The following STRN variants were observed in gnomAD, a reference collection of about 807,000 sequenced individuals.
The protein encoded by STRN is striatin.
In STRN, 53 loss-of-function variants were observed where a neutral mutation model predicts 96.3. That is an observed-to-expected ratio of 0.55 (90% confidence interval 0.44 to 0.69). The LOEUF is 0.69. Among genes scored for constraint, STRN ranks in the 30% least tolerant of loss-of-function variants. STRN has a pLI of 0.00. For synonymous variants in STRN, 428 were observed against 355.9 expected (o/e 1.20, Z -2.28); for missense variants, 987 against 963.9 (o/e 1.02, Z -0.32).
chr2:36,928,562 G>C lies in STRN; in HGVS notation c.235-3354C>G, dbSNP rs1050921868. 5.3e-5 allele frequency among the ~76,000 whole-genome samples: 8 copies of C among 151,536 alleles called. No homozygotes were observed. The East Asian group carries it at 5.8e-4, about 11-fold the overall frequency. On this transcript the variant is annotated intron_variant, in intron 1 of 17. Transcript: ENST00000263918. ...AGCTACTTGGAAGACTGAGACAGAA[G>C]AATCACTCAAACCCAGGAGGCGGAG...
intron 9 of STRN, among the ~76,000 whole-genome samples, chr2:36,880,425 G>A (rs891238743): frequency 3.3e-5 from 5 of 152,130 alleles, no homozygotes; most frequent in African/African-American, 1.2e-4. Context: ...AGGCAACAGA[G>A]CAAGACCATG....
chr2:36,912,408 C>T (rs1333860918), intron 3 of STRN, among the ~76,000 whole-genome samples: 2 of 152,164 alleles, frequency 1.3e-5, no homozygotes, highest in Non-Finnish European at 2.9e-5. Flanking sequence ...CTCAGTGTCC[C>T]ATGTGTCACA....
At chr2:36,924,814 T>A (rs1225256579) in intron 2 of STRN, among the ~76,000 whole-genome samples, 2 of 152,194 alleles carry the variant, frequency 1.3e-5, no homozygotes, top group African/African-American at 4.8e-5. Context: ...CCCAGCACTT[T>A]AGGAGGCCGA....
Position 36,883,912 on chromosome 2 carries a change from A to T in STRN, c.1186+20T>A. On this transcript the variant is annotated intron_variant, in intron 9 of 17. Transcript: ENST00000263918. The stretch of plus-strand genomic sequence containing the variant: ...TACATCCAAGTGCATTTTGTGCTCC[A>T]GAGTATCTTAAATACTTACCTTCAT... The T allele has an allele frequency of 7.5e-7, 1 of 1,330,390 alleles. No individual in the cohort carries two copies. The highest frequency in any genetic ancestry group is 2.8e-5 in the East Asian group (1 of 36,086). 82.4% of individuals were successfully genotyped at this position (1,330,390 alleles called of 1,614,324 possible). A position where few individuals can be genotyped will look rare whatever the true frequency, so the allele number is the denominator to read the frequency against.
rs774040335 is a variant in STRN at position 36,855,398 on chromosome 2, T to C, written c.1838-46A>G. 3.7e-6 allele frequency: 6 copies of C among 1,600,754 alleles called. No individual in the cohort carries two copies. The South Asian group carries it at 4.5e-5, about 12-fold the overall frequency. ...ATAGAATGGCAATTAAACCATCTAC[T>C]TGACAATCTGCTTAAAATAGAGCAA... On this transcript the variant is annotated intron_variant, in intron 14 of 17. Transcript: ENST00000263918.
In STRN at chr2:36,867,797, A is replaced by G. The variant is rs1193909950; in HGVS notation, c.1547+17T>C. 1 of 1,510,950 alleles carries G rather than the reference A, an allele frequency of 6.6e-7. No homozygotes were observed. Among genetic ancestry groups the G allele is most frequent in the Non-Finnish European group, 8.9e-7 (1 of 1,119,858 alleles). The allele number at this position is 1,510,950 out of a possible 1,614,324, so 93.6% of individuals were successfully genotyped here. On this transcript the variant is annotated intron_variant, in intron 12 of 17. Coordinates refer to ENST00000263918, the MANE Select transcript of STRN (RefSeq NM_003162.4). The stretch of plus-strand genomic sequence containing the variant: ...ACAGAGATATCGGTTTAAAATAAAG[A>G]AAAAACATATACTTACTTATGGGCT...
intron 15 of STRN, 81 bp from the exon 16 acceptor site, chr2:36,851,188 G>C: frequency 7.6e-7 from 1 of 1,310,466 alleles, no homozygotes; most frequent in African/African-American, 1.5e-5. Context: ...ATCTATCTAA[G>C]AGACTGAAAA....
chr2:36,880,501 C>G (rs1669041856), intron 9 of STRN, among the ~76,000 whole-genome samples: 1 of 152,088 alleles, frequency 6.6e-6, no homozygotes, highest in Middle Eastern at 3.2e-3. Flanking sequence ...TCTTAAAATC[C>G]TCATCAGAAC....
intron 2 of STRN, among the ~76,000 whole-genome samples, chr2:36,924,355 CAAAA>C (rs143310395): frequency 9.7e-6 from 1 of 103,322 alleles, no homozygotes; most frequent in East Asian, 2.6e-4. Flanking sequence ...GACTCCGTTT[CAAAA>C]AAAAAAAAAA....
At chr2:36,929,159 T>C (rs894784266) in intron 1 of STRN, among the ~76,000 whole-genome samples, 5 of 151,994 alleles carry the variant, frequency 3.3e-5, no homozygotes, top group African/African-American at 1.2e-4. Flanking sequence ...TCCTAACCAT[T>C]ATAAACAAAA....
At chr2:36,868,953 T>C (rs1439842792) in intron 11 of STRN, among the ~76,000 whole-genome samples, 1 of 152,036 alleles carries the variant, frequency 6.6e-6, no homozygotes, top group East Asian at 1.9e-4. Context: ...AGATTTAGCT[T>C]TGTGACTTTT....
intron 12 of STRN, among the ~76,000 whole-genome samples, chr2:36,865,933 G>GT (rs1330980465): frequency 1.3e-5 from 2 of 152,068 alleles, no homozygotes; most frequent in East Asian, 1.9e-4. Context: ...AGAGATTCTG[G>GT]TATGTTGTAG....
intron 1 of STRN, among the ~76,000 whole-genome samples, chr2:36,939,482 A>AG (rs1358117482): frequency 6.6e-6 from 1 of 152,194 alleles, no homozygotes; most frequent in African/African-American, 2.4e-5. Flanking sequence ...AACATGAGGT[A>AG]GGAATCAAAA....
chr2:36,851,485 A>G (rs1668222286), intron 15 of STRN, among the ~76,000 whole-genome samples: 1 of 140,922 alleles, frequency 7.1e-6, no homozygotes, highest in Non-Finnish European at 1.6e-5. Context: ...TCCATTTCAA[A>G]AAAAGAAAAG....
At chr2:36,930,995 T>C (rs928890034) in intron 1 of STRN, among the ~76,000 whole-genome samples, 1 of 151,478 alleles carries the variant, frequency 6.6e-6, no homozygotes, top group African/African-American at 2.4e-5. Flanking sequence ...ATCATGCCAC[T>C]GCACTCCAGC....
intron 1 of STRN, among the ~76,000 whole-genome samples, chr2:36,961,332 T>C (rs1318006686): frequency 2.0e-5 from 3 of 151,842 alleles, no homozygotes; most frequent in South Asian, 2.1e-4. Flanking sequence ...CAGGCTAGTC[T>C]TGAACTCCTA....
intron 3 of STRN, among the ~76,000 whole-genome samples, chr2:36,908,817 T>G (rs1347419627): frequency 6.6e-6 from 1 of 151,970 alleles, no homozygotes; most frequent in African/African-American, 2.4e-5. Flanking sequence ...CTACTAAAAA[T>G]ACAAAAGTTA....
chr2:36,946,311 A>G (rs1670983326), intron 1 of STRN, among the ~76,000 whole-genome samples: 1 of 152,230 alleles, frequency 6.6e-6, no homozygotes, highest in Non-Finnish European at 1.5e-5. Flanking sequence ...TATTTCTGCA[A>G]GGTGACCAAA....
intron 14 of STRN, among the ~76,000 whole-genome samples, chr2:36,856,021 A>G (rs1265924644): frequency 1.3e-5 from 2 of 152,228 alleles, no homozygotes; most frequent in Non-Finnish European, 1.5e-5. Flanking sequence ...AAATGTGCAT[A>G]CTGCAGAAGA....
Sources: gnomAD v4.1 joint callset for allele counts (sites outside exome capture counted in the v4.1 genomes callset) on GRCh38, gnomAD v4.1.1 for gene constraint, MANE v1.5 for transcripts, NCBI Gene and HGNC (gene_info 2026-07-23, HGNC 2026-07-21) for gene names.